Variants in DNAH3 observed in about 807,000 individuals in gnomAD.
The protein encoded by DNAH3 is axonemal beta dynein heavy chain 3.
DNAH3 carries 332 observed loss-of-function variants against 432.5 expected under a neutral mutation model. The ratio of observed to expected loss-of-function variants is 0.77; its 90% CI spans 0.70 to 0.84. The LOEUF (loss-of-function observed/expected upper bound fraction) is 0.84. Ranked by LOEUF, DNAH3 falls within the 40% of genes least tolerant of loss-of-function variation. The probability of loss-of-function intolerance (pLI) is 0.00; values close to 1 mark genes in which losing one functional copy is unlikely to be tolerated. For missense variants in DNAH3, 4,861 were observed against 5,114.0 expected, an observed-to-expected ratio of 0.95 and a Z score of 1.51; for synonymous variants, 1,956 against 1,900.2, an observed-to-expected ratio of 1.03 and a Z score of -0.76.
intron 12 of DNAH3, among the ~76,000 whole-genome samples, chr16:21,114,553 GACAA>G (rs774455954): frequency 7.9e-5 from 12 of 152,052 alleles, no homozygotes; most frequent in Non-Finnish European, 1.3e-4. Context: ...AATCCAGAAA[GACAA>G]ACAACCCCAT....
chr16:20,957,803 A>G (rs1350908508), intron 54 of DNAH3, among the ~76,000 whole-genome samples: 1 of 114,850 alleles, frequency 8.7e-6, no homozygotes, highest in Non-Finnish European at 1.7e-5. Flanking sequence ...GCGAAACTCC[A>G]TCTCCAAAAA....
chr16:21,000,653 T>A, intron 42 of DNAH3, 135 bp from the exon 43 acceptor site: 1 of 683,484 alleles, frequency 1.5e-6, no homozygotes, highest in Non-Finnish European at 2.4e-6. Flanking sequence ...CTTTAACCTC[T>A]CCATGGGCCT....
exon 43 of DNAH3, chr16:21,000,397 A>G: frequency 6.2e-7 from 1 of 1,614,086 alleles, no homozygotes; most frequent in South Asian, 1.1e-5. Flanking sequence ...GTTGTTGGTG[A>G]TGGCTGATTT....
rs139212195 is a variant in DNAH3 at position 21,053,930 on chromosome 16, A to C, written c.4039+490T>G. Among the ~76,000 whole-genome samples the C allele has an allele frequency of 4.3e-3, 649 of 152,112 alleles. 4 individuals are homozygous for C. Among genetic ancestry groups the C allele is most frequent in the African/African-American group, 0.015 (623 of 41,490 alleles). On this transcript the variant is annotated intron_variant, in intron 28 of 61. Transcript: ENST00000261383. ...ACTGCTTGCAACATTGCCCATTTCC[A>C]GTCCCTTAGGCTTGGAAGCAGACAG...
At chr16:21,122,171 C>T in intron 9 of DNAH3, 47 bp from the exon 11 acceptor site, 1 of 1,515,628 alleles carries the variant, frequency 6.6e-7, no homozygotes, top group Non-Finnish European at 8.9e-7. Context: ...TTGGGCCTTC[C>T]AAAATCAAGG....
chr16:21,102,476 G>A (rs2091860075), intron 16 of DNAH3, among the ~76,000 whole-genome samples: 1 of 152,144 alleles, frequency 6.6e-6, no homozygotes, highest in Non-Finnish European at 1.5e-5. Context: ...ATAGTTTTGG[G>A]ATTCCTACCA....
intron 5 of DNAH3, among the ~76,000 whole-genome samples, chr16:21,139,320 CTTTTTTTTTTTTTTT>C (rs9302391): frequency 1.4e-4 from 4 of 29,614 alleles, no homozygotes; most frequent in South Asian, 2.8e-3. Context: ...TTTCCTCATG[CTTTTTTTTTTTTTTT>C]TTTTTTTTTT....
intron 16 of DNAH3, among the ~76,000 whole-genome samples, chr16:21,100,716 G>A (rs906386813): frequency 6.6e-6 from 1 of 152,160 alleles, no homozygotes; most frequent in Non-Finnish European, 1.5e-5. Flanking sequence ...ACCTACCACT[G>A]AGTTGGATGA....
At position 21,134,447 on chromosome 16, in the gene DNAH3, G is replaced by A. The variant is rs1417491431; in HGVS notation, c.894C>T (p.Tyr298=). 3.1e-6 allele frequency: 5 copies of A among 1,613,702 alleles called. No homozygotes were observed. In the Admixed American group the frequency reaches 5.0e-5, roughly 16 times the overall value. ...TTCTCTCCATTGGGTCCATGAGGAT[G>A]TAATCAACTACAACCGGAAAGGGCG... The change falls in exon 7 of 62, where the codon TAC becomes TAT. Residue 298 remains tyrosine, a synonymous_variant. Coordinates refer to ENST00000261383, the Ensembl canonical transcript of DNAH3.
At chr16:21,048,011 C>CT (rs1330092362) in intron 31 of DNAH3, among the ~76,000 whole-genome samples, 3 of 152,164 alleles carry the variant, frequency 2.0e-5, no homozygotes, top group Non-Finnish European at 2.9e-5. Flanking sequence ...CAGGGACCCA[C>CT]TTGAGGAAGC....
rs765759528 is a variant in DNAH3, at chr16:21,120,987, C to G, written c.1585-133G>C. 9.6e-6 allele frequency: 7 copies of G among 730,004 alleles called. No individual in the cohort carries two copies. The South Asian group carries it at 1.0e-4, about 11-fold the overall frequency. 45.2% of individuals were successfully genotyped at this position (730,004 alleles called of 1,614,324 possible). Reference sequence around the variant, plus strand: ...CCAGTTTTAATGGAGTACTTAGAACCCTGTAAGTACCAGATTGCAAAGAGA... The same window carrying G: ...CCAGTTTTAATGGAGTACTTAGAACGCTGTAAGTACCAGATTGCAAAGAGA... On this transcript the variant is annotated intron_variant, in intron 10 of 61. Coordinates refer to ENST00000261383, the Ensembl canonical transcript of DNAH3.
chr16:21,050,632 A>G (rs13335202), intron 29 of DNAH3, among the ~76,000 whole-genome samples: 49,811 of 151,792 alleles, frequency 0.33, 8,675 homozygotes, highest in South Asian at 0.48. Context: ...TAGAGATGGG[A>G]TTTTGCCATG....
Position 20,952,564 on chromosome 16 carries a change from G to A in DNAH3, c.11072-15C>T, listed in dbSNP as rs779263235. The A allele has an allele frequency of 4.0e-6, 6 of 1,499,212 alleles. No individual in the cohort carries two copies. Among genetic ancestry groups the A allele is most frequent in the African/African-American group, 2.8e-5 (2 of 72,620 alleles). The allele number at this position is 1,499,212 out of a possible 1,614,324, so 92.9% of individuals were successfully genotyped here. ...AATATTCCACCCTGCGTGTGGGAGA[G>A]CAGAGAGAGGCTTCAGTGCTGAGAG... On this transcript the variant is annotated splice_polypyrimidine_tract_variant and intron_variant, in intron 55 of 61. Transcript: ENST00000261383.
intron 59 of DNAH3, among the ~76,000 whole-genome samples, chr16:20,939,414 C>A (rs965212055): frequency 6.6e-6 from 1 of 152,138 alleles, no homozygotes; most frequent in African/African-American, 2.4e-5. Flanking sequence ...GAGTTCGAGA[C>A]CAGCCTGGCC....
chr16:20,935,544 G>C, intron 60 of DNAH3, 59 bp from the exon 61 acceptor site: 2 of 1,565,980 alleles, frequency 1.3e-6, no homozygotes, highest in Non-Finnish European at 1.7e-6. Flanking sequence ...TAGTTCAAAT[G>C]CAAGTAATGT....
exon 50 of DNAH3, chr16:20,979,453 G>C (rs201388116): frequency 6.2e-6 from 10 of 1,614,112 alleles, no homozygotes. Context: ...GGTAGGAGGT[G>C]GGGGTAACAT....
intron 25 of DNAH3, among the ~76,000 whole-genome samples, chr16:21,061,681 C>T (rs79740697): frequency 0.093 from 14,205 of 152,216 alleles, 801 homozygotes; most frequent in South Asian, 0.19. Context: ...CTTTGCTGTT[C>T]CTTGAAATCA....
chr16:21,104,343 G>T, intron 16 of DNAH3, 128 bp downstream of exon 16: 1 of 773,562 alleles, frequency 1.3e-6, no homozygotes, highest in Non-Finnish European at 2.2e-6. Context: ...TCCACCAATT[G>T]TTTTCAGACT....
intron 51 of DNAH3, among the ~76,000 whole-genome samples, chr16:20,970,222 A>C (rs1597002564): frequency 6.6e-6 from 1 of 152,142 alleles, no homozygotes; most frequent in Admixed American, 6.5e-5. Context: ...ACATCTGAGC[A>C]TTCAACTTAT....
Sources: allele counts gnomAD v4.1 joint callset (sites outside exome capture counted in the v4.1 genomes callset), GRCh38; gene constraint gnomAD v4.1.1; transcripts MANE v1.5; gene names NCBI Gene and HGNC (gene_info 2026-07-23, HGNC 2026-07-21).